Variants in ETFA observed in about 807,000 individuals in gnomAD.
ETFA encodes electron transfer flavoprotein subunit alpha, mitochondrial.
In ETFA, 22 loss-of-function variants were observed where a neutral mutation model predicts 46.2. The observed-to-expected ratio is 0.48, with a 90% CI of 0.34 to 0.68. The LOEUF is 0.68. Ranked by LOEUF, ETFA falls within the 30% of genes least tolerant of loss-of-function variation. The pLI, the probability that ETFA is intolerant of heterozygous loss-of-function variation, is 0.01. For missense variants in ETFA, 345 were observed against 401.1 expected, an observed-to-expected ratio of 0.86 and a Z score of 1.19; for synonymous variants, 131 against 139.9, an observed-to-expected ratio of 0.94 and a Z score of 0.45.
chr15:76,281,495 T>C (rs1421327517), intron 8 of ETFA, among the ~76,000 whole-genome samples: 1 of 151,824 alleles, frequency 6.6e-6, no homozygotes, highest in Non-Finnish European at 1.5e-5. Context: ...ACATGATTTC[T>C]GCTCACTGCA....
rs373144812 is a variant in ETFA at position 76,216,840 on chromosome 15, C to CTTTTTTT, written c.964-250_964-244dup. On this transcript the variant is annotated intron_variant, in intron 11 of 11. Coordinates refer to ENST00000557943, the MANE Select transcript of ETFA (RefSeq NM_000126.4). Reference sequence around the variant, plus strand: ...CACTCATTGCCTAGGTGCCTTTTGCCTTTTTTTTTTTTTTTTTTTTTTTGA... The same window carrying CTTTTTTT: ...CACTCATTGCCTAGGTGCCTTTTGCCTTTTTTTTTTTTTTTTTTTTTTTTTTTTTTGA... Among the ~76,000 whole-genome samples, 34 of 89,286 alleles carry CTTTTTTT rather than the reference C, an allele frequency of 3.8e-4. 1 individual carries two copies. The highest frequency in any genetic ancestry group is 6.4e-4 in the East Asian group (2 of 3,140). 58.6% of individuals were successfully genotyped at this position (89,286 alleles called of 152,430 possible).
At chr15:76,283,715 A>C (rs751758900) in intron 8 of ETFA, 42 bp downstream of exon 8, 1 of 1,245,992 alleles carries the variant, frequency 8.0e-7, no homozygotes, top group Non-Finnish European at 1.2e-6. Context: ...AAATATTTCC[A>C]ACAAAAAGGG....
chr15:76,269,038 T>G (rs2039501819), intron 9 of ETFA, among the ~76,000 whole-genome samples: 1 of 152,234 alleles, frequency 6.6e-6, no homozygotes, highest in Non-Finnish European at 1.5e-5. Flanking sequence ...GCCGATGGGT[T>G]GTCTACATTC....
At chr15:76,306,718 T>C (rs763127211) in intron 1 of ETFA, among the ~76,000 whole-genome samples, 2 of 152,242 alleles carry the variant, frequency 1.3e-5, no homozygotes, top group Non-Finnish European at 2.9e-5. Flanking sequence ...GTACTTTAAA[T>C]ACTTCCTTTA....
At chr15:76,270,987 T>C (rs936390224) in intron 9 of ETFA, among the ~76,000 whole-genome samples, 1 of 152,042 alleles carries the variant, frequency 6.6e-6, no homozygotes. Flanking sequence ...CTAGCCAATA[T>C]GGCAAAACCC....
Position 76,231,326 on chromosome 15 carries a change from C to T in ETFA, c.882+7G>A, listed in dbSNP as rs753882653. 1 of 1,570,364 alleles carries T rather than the reference C, an allele frequency of 6.4e-7. No individual in the cohort carries two copies. Among genetic ancestry groups the T allele is most frequent in the Non-Finnish European group, 8.8e-7 (1 of 1,140,240 alleles). On this transcript the variant is annotated splice_region_variant and intron_variant, in intron 10 of 11. Transcript: ENST00000557943. ...GTTTTCTTTTAACATCACTGATGTACAATTACCTTGCTGTCTTTCATCCCA... is the reference window on the plus strand; with the variant it reads ...GTTTTCTTTTAACATCACTGATGTATAATTACCTTGCTGTCTTTCATCCCA...
intron 8 of ETFA, among the ~76,000 whole-genome samples, chr15:76,275,948 A>G (rs527990276): frequency 3.5e-4 from 54 of 152,358 alleles, no homozygotes; most frequent in African/African-American, 1.1e-3. Flanking sequence ...ATTGTAATAC[A>G]TGAGCATATG....
chr15:76,246,810 G>A (rs2039247312), intron 9 of ETFA, among the ~76,000 whole-genome samples: 1 of 151,646 alleles, frequency 6.6e-6, no homozygotes, highest in Non-Finnish European at 1.5e-5. Flanking sequence ...TCCAGCCTGG[G>A]CTACGGAGCC....
chr15:76,294,200 G>A (rs185749267), intron 2 of ETFA, among the ~76,000 whole-genome samples: 2 of 152,150 alleles, frequency 1.3e-5, no homozygotes, highest in Admixed American at 6.5e-5. Flanking sequence ...AAGTATCAAA[G>A]TCTTTTTAAA....
chr15:76,295,933 A>ATTATTTTTTTTTTTTTTTTTTTTT (rs1555459250), intron 1 of ETFA, among the ~76,000 whole-genome samples, 196 bp from the exon 2 acceptor site: 1 of 58,510 alleles, frequency 1.7e-5, no homozygotes, highest in Non-Finnish European at 4.0e-5. Flanking sequence ...TACCACTAAT[A>ATTATTTTTTTTTTTTTTTTTTTTT]TTCTTTTTTT....
chr15:76,231,322 T>G lies in ETFA; in HGVS notation c.882+11A>C. ...AAACGTTTTCTTTTAACATCACTGA[T>G]GTACAATTACCTTGCTGTCTTTCAT... On this transcript the variant is annotated intron_variant, in intron 10 of 11. Transcript: ENST00000557943. 2 of 1,551,970 alleles carry G rather than the reference T, an allele frequency of 1.3e-6. No homozygotes were observed. Among genetic ancestry groups the G allele is most frequent in the African/African-American group, 1.4e-5 (1 of 73,846 alleles).
intron 9 of ETFA, among the ~76,000 whole-genome samples, chr15:76,258,575 G>A (rs2039369643): frequency 6.6e-6 from 1 of 152,240 alleles, no homozygotes. Flanking sequence ...GGTAACAGCT[G>A]GGCCCTCAGG....
At chr15:76,274,797 A>G (rs75809712) in intron 8 of ETFA, among the ~76,000 whole-genome samples, 2,494 of 152,328 alleles carry the variant, frequency 0.016, 69 homozygotes, top group African/African-American at 0.055. Context: ...AGGTTTTACA[A>G]TATTACCTCT....
chr15:76,288,300 G>A (rs948546571), intron 4 of ETFA, among the ~76,000 whole-genome samples: 1 of 152,062 alleles, frequency 6.6e-6, no homozygotes, highest in African/African-American at 2.4e-5. Flanking sequence ...AATTTAGAAG[G>A]GTGGTAAAAT....
At chr15:76,258,604 A>C (rs1157755253) in intron 9 of ETFA, among the ~76,000 whole-genome samples, 1 of 152,234 alleles carries the variant, frequency 6.6e-6, no homozygotes, top group Non-Finnish European at 1.5e-5. Flanking sequence ...AGCCCAATGC[A>C]TGCACTTAAG....
intron 8 of ETFA, among the ~76,000 whole-genome samples, chr15:76,277,632 A>G (rs945380268): frequency 5.3e-5 from 8 of 152,156 alleles, no homozygotes; most frequent in African/African-American, 1.7e-4. Context: ...CCTCCCAAGT[A>G]GCTGAGACTA....
intron 7 of ETFA, among the ~76,000 whole-genome samples, chr15:76,285,264 A>T (rs1447629284): frequency 6.6e-6 from 1 of 152,210 alleles, no homozygotes; most frequent in African/African-American, 2.4e-5. Context: ...TCCAAGTGGA[A>T]AGAAGGGTAG....
At chr15:76,277,863 A>C (rs1292713714) in intron 8 of ETFA, among the ~76,000 whole-genome samples, 1 of 151,706 alleles carries the variant, frequency 6.6e-6, no homozygotes, top group Non-Finnish European at 1.5e-5. Context: ...AAGTCCCCCT[A>C]CCCCACCACC....
chr15:76,241,287 G>C (rs905252748), intron 9 of ETFA, among the ~76,000 whole-genome samples: 1 of 151,864 alleles, frequency 6.6e-6, no homozygotes, highest in East Asian at 1.9e-4. Flanking sequence ...GATCGCTTGA[G>C]GCCAGGAGTT....
Sources: allele counts gnomAD v4.1 joint callset (sites outside exome capture counted in the v4.1 genomes callset), GRCh38; gene constraint gnomAD v4.1.1; transcripts MANE v1.5; gene names NCBI Gene and HGNC (gene_info 2026-07-23, HGNC 2026-07-21).